The following TMPRSS6 variants were observed in gnomAD, a reference collection of about 807,000 sequenced individuals.
TMPRSS6 encodes transmembrane protease serine 6.
A neutral mutation model predicts 101.5 loss-of-function variants in TMPRSS6; 67 were observed. The observed-to-expected ratio is 0.66, with a 90% CI of 0.54 to 0.81. TMPRSS6 has a LOEUF of 0.81. TMPRSS6 is among the 30% of genes least tolerant of loss of function. The pLI is 0.00. For missense variants in TMPRSS6, 1,034 were observed against 1,088.7 expected, an observed-to-expected ratio of 0.95 and a Z score of 0.71; for synonymous variants, 453 against 464.9, an observed-to-expected ratio of 0.97 and a Z score of 0.33.
rs1409724244 is a variant in TMPRSS6, at chr22:37,104,708, C to T, written c.-1-1290G>A. On this transcript the variant is annotated intron_variant, in intron 1 of 17. Coordinates refer to ENST00000676104, the MANE Select transcript of TMPRSS6 (RefSeq NM_001374504.1). ...GGGTGCCGTGGCTCACGCCTGTAAT[C>T]CCAACACTTTGGGAGGCTGAGGTGA... Among the ~76,000 whole-genome samples the T allele has an allele frequency of 4.6e-5, 7 of 152,300 alleles. 1 individual carries two copies. The highest frequency in any genetic ancestry group is 6.8e-3 in the Middle Eastern group (2 of 294).
In TMPRSS6 at chr22:37,096,715, G is replaced by T; in HGVS notation, c.337C>A (p.Leu113Ile). The T allele has an allele frequency of 1.3e-6, 2 of 1,562,068 alleles. No homozygotes were observed. Among genetic ancestry groups the T allele is most frequent in the East Asian group, 2.4e-5 (1 of 42,472 alleles). Reference protein sequence around the residue: ...RSETAKAQKMLKELITSTRLG... With the variant: ...RSETAKAQKMIKELITSTRLG... ...CGGGTGCTGGTGATGAGCTCCTTGA[G>T]CTGTGAGAAGGGAAGACAACAGCCC... Residue 113 changes from leucine (L) to isoleucine (I), a missense_variant and splice_region_variant, in exon 4 of 18, where the codon CTC (leucine) becomes ATC (isoleucine). Physicochemically the swap from Leu to Ile is conservative, Grantham distance 5. Transcript: ENST00000676104.
At position 37,105,871 on chromosome 22, in the gene TMPRSS6, A is replaced by G. The variant is rs142694511; in HGVS notation, c.-1-2453T>C. Among the ~76,000 whole-genome samples, 122 of 152,186 alleles carry G rather than the reference A, an allele frequency of 8.0e-4. 1 individual carries two copies. The East Asian group carries it at 0.02, about 25-fold the overall frequency. The stretch of plus-strand genomic sequence containing the variant: ...TATTTTTTGTAGAGACCAGGTCTCA[A>G]ACACCTGGCCTCAAGCGATCCCCTC... On this transcript the variant is annotated intron_variant, in intron 1 of 17. Coordinates refer to ENST00000676104, the MANE Select transcript of TMPRSS6 (RefSeq NM_001374504.1).
chr22:37,100,447 G>A (rs976342025), intron 2 of TMPRSS6, among the ~76,000 whole-genome samples: 1 of 152,216 alleles, frequency 6.6e-6, no homozygotes, highest in Admixed American at 6.5e-5. Flanking sequence ...CTGTGGCAGA[G>A]GAGAGGGTGG....
At chr22:37,086,501 A>T in intron 7 of TMPRSS6, 82 bp from the exon 8 acceptor site, 1,070 of 914,870 alleles carry the variant, frequency 1.2e-3, no homozygotes, top group Non-Finnish European at 1.6e-3. Flanking sequence ...CTGCTGGGGG[A>T]GGGTGGACGG....
chr22:37,099,158 G>GGAGT (rs1400507196), intron 2 of TMPRSS6, among the ~76,000 whole-genome samples: 1 of 152,242 alleles, frequency 6.6e-6, no homozygotes, highest in African/African-American at 2.4e-5. Context: ...GGGCCAGAGT[G>GGAGT]GAGTGACCCT....
chr22:37,107,613 A>C (rs1310144142), intron 1 of TMPRSS6, among the ~76,000 whole-genome samples: 1 of 151,612 alleles, frequency 6.6e-6, no homozygotes, highest in South Asian at 2.1e-4. Context: ...TGTTGTCACC[A>C]TGTGCCCTGC....
At chr22:37,079,892 G>T (rs965741848) in intron 10 of TMPRSS6, among the ~76,000 whole-genome samples, 1 of 152,262 alleles carries the variant, frequency 6.6e-6, no homozygotes. Context: ...GCTGCCGCCT[G>T]TGCTGGCCAC....
Position 37,073,680 on chromosome 22 carries a change from G to A in TMPRSS6, c.1442-35C>T, listed in dbSNP as rs781202789. On this transcript the variant is annotated intron_variant, in intron 12 of 17. Transcript: ENST00000676104. ...GACACAGAGAGGGGACAGGTGGGAG[G>A]AAGCCAGAGGAGCCAGCCGGGGCTT... 6 of 1,479,538 alleles carry A rather than the reference G, an allele frequency of 4.1e-6. No homozygotes were observed. In the South Asian group the frequency reaches 6.8e-5, roughly 17 times the overall value. The allele number at this position is 1,479,538 out of a possible 1,614,324, so 91.7% of individuals were successfully genotyped here.
upstream of TMPRSS6, among the ~76,000 whole-genome samples, chr22:37,110,106 A>T (rs1930970329): frequency 7.1e-6 from 1 of 141,258 alleles, no homozygotes; most frequent in South Asian, 2.5e-4. Context: ...TTTTCTGTTT[A>T]GCTGGGAATT....
Position 37,066,877 on chromosome 22 carries a change from C to T in TMPRSS6, c.2199G>A (p.Thr733=), listed in dbSNP as rs200845348. 24 of 1,614,180 alleles carry T rather than the reference C, an allele frequency of 1.5e-5. No homozygotes were observed. In the East Asian group the frequency reaches 1.6e-4, roughly 10 times the overall value. ...GGTAGCCGGCACACAGCATGCGTGG[C>T]GTCACCTGGTAGCGATAGACCTCGC... ...LCSEVYRYQV[T]PRMLCAGYRK... The change falls in exon 17 of 18, where the codon ACG becomes ACA. Residue 733 remains threonine (T), a synonymous_variant. Coordinates refer to ENST00000676104, the MANE Select transcript of TMPRSS6 (RefSeq NM_001374504.1).
chr22:37,089,727 A>T lies in TMPRSS6; in HGVS notation c.687T>A (p.Pro229=), dbSNP rs747043261. The change falls in exon 7 of 18, where the codon CCT becomes CCA. Residue 229 remains proline (P), a synonymous_variant. Coordinates refer to ENST00000676104, the MANE Select transcript of TMPRSS6 (RefSeq NM_001374504.1). ...GQGQVLRLKG[P]DHLASSCLWH... is the part of the protein sequence containing the mutation. ...ACAGGCAGCTGGAGGCCAGGTGGTC[A>T]GGCCCCTTCAGCCGGAGGACCTGGC... 7 of 1,612,278 alleles carry T rather than the reference A, an allele frequency of 4.3e-6. No homozygotes were observed. The highest frequency in any genetic ancestry group is 5.9e-6 in the Non-Finnish European group (7 of 1,179,650).
chr22:37,110,242 CA>C (rs1363866047), upstream of TMPRSS6, among the ~76,000 whole-genome samples: 1 of 147,582 alleles, frequency 6.8e-6, no homozygotes, highest in Admixed American at 6.9e-5. Flanking sequence ...CTCCCGGGTT[CA>C]AGCAATTCTC....
In TMPRSS6 at chr22:37,096,092, T is replaced by TA; in HGVS notation, c.405-3dup. On this transcript the variant is annotated splice_region_variant and splice_polypyrimidine_tract_variant and intron_variant, in intron 4 of 17. Coordinates refer to ENST00000676104, the MANE Select transcript of TMPRSS6 (RefSeq NM_001374504.1). ...AAGAAGCAGGTGAGGGGTCCCTCCC[T>TA]AAGGCAGGCAGAAGTGAGAGAGGCC... The TA allele has an allele frequency of 6.2e-7, 1 of 1,614,074 alleles. No homozygotes were observed. The highest frequency in any genetic ancestry group is 8.5e-7 in the Non-Finnish European group (1 of 1,180,010).
In TMPRSS6 at chr22:37,066,810, T is replaced by C. The variant is rs759481926; in HGVS notation, c.2250+16A>G. On this transcript the variant is annotated intron_variant, in intron 17 of 17. Coordinates refer to ENST00000676104, the MANE Select transcript of TMPRSS6 (RefSeq NM_001374504.1). ...CTTTCTCCCTCCTCTCTCCCTCCCA[T>C]GCCCGGGGGACTCACCTGACAGGCA... 6.2e-7 allele frequency: 1 copy of C among 1,614,146 alleles called. No individual in the cohort carries two copies. The highest frequency in any genetic ancestry group is 2.2e-5 in the East Asian group (1 of 44,884).
intron 1 of TMPRSS6, among the ~76,000 whole-genome samples, chr22:37,109,103 G>A (rs1435087300): frequency 2.6e-5 from 4 of 152,144 alleles, no homozygotes; most frequent in Admixed American, 6.5e-5. Flanking sequence ...GTACATAGGT[G>A]CAATGTGGGG....
Position 37,089,797 on chromosome 22 carries a change from G to A in TMPRSS6, c.632-15C>T, listed in dbSNP as rs773298447. On this transcript the variant is annotated splice_polypyrimidine_tract_variant and intron_variant, in intron 6 of 17. Coordinates refer to ENST00000676104, the MANE Select transcript of TMPRSS6 (RefSeq NM_001374504.1). Reference sequence around the variant, plus strand: ...GCGGTAACAACCTGGAGCGGGGAGAGGGGCACAGCCCCTGATTCCTGTGAG... The same window carrying A: ...GCGGTAACAACCTGGAGCGGGGAGAAGGGCACAGCCCCTGATTCCTGTGAG... 1.7e-5 allele frequency: 28 copies of A among 1,608,422 alleles called. No individual in the cohort carries two copies. The highest frequency in any genetic ancestry group is 1.9e-4 in the Middle Eastern group (1 of 5,288).
chr22:37,072,472 TG>T (rs1927116588), intron 13 of TMPRSS6, among the ~76,000 whole-genome samples: 4 of 118,934 alleles, frequency 3.4e-5, no homozygotes, highest in East Asian at 2.7e-4. Flanking sequence ...GATGGATGGA[TG>T]GATGGATGGA....
At chr22:37,095,629 C>CAAAAAAAAAAAAAAAAAAAAA in intron 5 of TMPRSS6, 37 bp from the exon 6 acceptor site, 1 of 1,176,572 alleles carries the variant, frequency 8.5e-7, no homozygotes, top group South Asian at 1.6e-5. Context: ...TAAACAAGAA[C>CAAAAAAAAAAAAAAAAAAAAA]AAAAAAAAAA....
rs572655837 is a variant in TMPRSS6 at position 37,080,445 on chromosome 22, G to C, written c.1196+3850C>G. Among the ~76,000 whole-genome samples the C allele has an allele frequency of 9.8e-5, 15 of 152,372 alleles. No homozygotes were observed. The South Asian group carries it at 3.1e-3, about 32-fold the overall frequency. On this transcript the variant is annotated intron_variant, in intron 10 of 17. Transcript: ENST00000676104. ...AATGGGCATTCTGGGCCAAAGGGCT[G>C]TACCTCCCCCTCCCTAAAGTGCCTT...
Sources: gnomAD v4.1 joint callset for allele counts (sites outside exome capture counted in the v4.1 genomes callset) on GRCh38, gnomAD v4.1.1 for gene constraint, MANE v1.5 for transcripts, NCBI Gene and HGNC (gene_info 2026-07-23, HGNC 2026-07-21) for gene names.